AIMP1: variants seen among roughly 807,000 people sequenced by gnomAD.
AIMP1 encodes the protein aminoacyl tRNA synthase complex-interacting multifunctional protein 1.
Under a neutral mutation model 33.1 loss-of-function variants are expected in AIMP1, and 24 were observed. The ratio of observed to expected loss-of-function variants is 0.73; its 90% CI spans 0.53 to 1.02. AIMP1 has a LOEUF of 1.02. Ranked by LOEUF, AIMP1 falls within the 50% of genes least tolerant of loss-of-function variation. AIMP1 has a pLI of 0.00. For missense variants in AIMP1, 367 were observed against 364.8 expected (o/e 1.01, Z -0.05); for synonymous variants, 120 against 121.5 (o/e 0.99, Z 0.08).
At position 106,341,544 on chromosome 4, in the gene AIMP1, G is replaced by A. The variant is rs535822544; in HGVS notation, c.772+4507G>A. Among the ~76,000 whole-genome samples the A allele has an allele frequency of 2.0e-4, 23 of 114,246 alleles. 1 individual carries two copies. The South Asian group carries it at 7.9e-3, about 39-fold the overall frequency. The allele number at this position is 114,246 out of a possible 152,430, so 74.9% of individuals were successfully genotyped here. On this transcript the variant is annotated intron_variant, in intron 6 of 6. Coordinates refer to ENST00000672341, the MANE Select transcript of AIMP1 (RefSeq NM_001142416.2). The stretch of plus-strand genomic sequence containing the variant: ...TTATTCCAGCACCATTTATTGAATA[G>A]AGAGTTTTTTTCCCATTGCTTGTTT...
chr4:106,342,470 G>C (rs527364627), intron 6 of AIMP1, among the ~76,000 whole-genome samples: 5 of 152,116 alleles, frequency 3.3e-5, no homozygotes, highest in African/African-American at 1.2e-4. Flanking sequence ...TTGATGCCTA[G>C]TCTATTGAGG....
chr4:106,333,817 A>C (rs1468970199), intron 5 of AIMP1, among the ~76,000 whole-genome samples: 1 of 151,498 alleles, frequency 6.6e-6, no homozygotes. Flanking sequence ...GATACCCTTC[A>C]GAGCAGTGGT....
chr4:106,327,360 G>T, intron 2 of AIMP1, 91 bp from the exon 3 acceptor site: 1 of 908,898 alleles, frequency 1.1e-6, no homozygotes, highest in Non-Finnish European at 1.8e-6. Context: ...TATTATCCTA[G>T]CTGTAGTTAT....
intron 5 of AIMP1, among the ~76,000 whole-genome samples, chr4:106,335,331 A>T (rs377234585): frequency 7.9e-5 from 12 of 152,140 alleles, no homozygotes; most frequent in African/African-American, 2.7e-4. Flanking sequence ...TGTTCTTATA[A>T]GTTGTAGACT....
intron 4 of AIMP1, among the ~76,000 whole-genome samples, chr4:106,330,650 C>T (rs564992544): frequency 3.0e-4 from 45 of 152,232 alleles, no homozygotes; most frequent in Non-Finnish European, 2.5e-4. Flanking sequence ...ATATACATGT[C>T]TGTCTTCTTT....
chr4:106,321,171 G>C (rs1437709143), intron 1 of AIMP1: 1 of 170,316 alleles, frequency 5.9e-6, no homozygotes, highest in East Asian at 1.8e-4. Flanking sequence ...CCGCCACCCC[G>C]TCTAGGAAGT....
At position 106,329,772 on chromosome 4, in the gene AIMP1, CTTTTTTTT is replaced by C. The variant is rs59016309; in HGVS notation, c.391+1552_391+1559del. Among the ~76,000 whole-genome samples the C allele has an allele frequency of 2.7e-3, 141 of 53,072 alleles. 1 individual carries two copies. Among genetic ancestry groups the C allele is most frequent in the Non-Finnish European group, 4.3e-3 (114 of 26,562 alleles). The allele number at this position is 53,072 out of a possible 152,430, so 34.8% of individuals were successfully genotyped here. On this transcript the variant is annotated intron_variant, in intron 4 of 6. Transcript: ENST00000672341. ...ATGATCTTTCTAGACTGCTACATATCTTTTTTTTTTTTTTTTTTTTTTTTTTTTTTGGA... is the reference window on the plus strand; with the variant it reads ...ATGATCTTTCTAGACTGCTACATATCTTTTTTTTTTTTTTTTTTTTTTGGA...
intron 1 of AIMP1, among the ~76,000 whole-genome samples, chr4:106,323,009 A>G (rs1392682429): frequency 6.6e-6 from 1 of 151,412 alleles, no homozygotes; most frequent in Admixed American, 6.6e-5. Context: ...AAGTTTTATC[A>G]CTTCTTTTTA....
intron 4 of AIMP1, among the ~76,000 whole-genome samples, chr4:106,328,788 A>G (rs1042737102): frequency 6.6e-6 from 1 of 152,158 alleles, no homozygotes; most frequent in Non-Finnish European, 1.5e-5. Flanking sequence ...AACAAATTCT[A>G]TTATTCCTGT....
intron 1 of AIMP1, chr4:106,316,864 A>ATG (rs1768939892): frequency 2.6e-5 from 11 of 422,872 alleles, no homozygotes; most frequent in Middle Eastern, 6.4e-4. Flanking sequence ...TGTTATGTGA[A>ATG]TGTGTGTGTC....
At chr4:106,336,076 C>G (rs1769866238) in intron 5 of AIMP1, among the ~76,000 whole-genome samples, 1 of 107,632 alleles carries the variant, frequency 9.3e-6, no homozygotes, top group South Asian at 3.4e-4. Context: ...GGGTCTCACT[C>G]TTGCCCAAGC....
chr4:106,330,016 C>T (rs971428631), intron 4 of AIMP1, among the ~76,000 whole-genome samples: 2 of 152,030 alleles, frequency 1.3e-5, no homozygotes, highest in Non-Finnish European at 2.9e-5. Context: ...CTCCTGATCT[C>T]AGGTGATCCA....
chr4:106,343,082 G>A (rs1374106267), intron 6 of AIMP1, among the ~76,000 whole-genome samples: 1 of 151,796 alleles, frequency 6.6e-6, no homozygotes, highest in Non-Finnish European at 1.5e-5. Flanking sequence ...TTTTTAATTG[G>A]TAGGTTTTTA....
chr4:106,324,879 A>G (rs183688305), intron 1 of AIMP1, 106 bp from the exon 2 acceptor site: 3 of 885,158 alleles, frequency 3.4e-6, no homozygotes, highest in East Asian at 5.9e-5. Context: ...ATATTTATCT[A>G]TTACAGTAGA....
chr4:106,327,260 C>G (rs1490523514), intron 2 of AIMP1, among the ~76,000 whole-genome samples, 191 bp from the exon 3 acceptor site: 2 of 151,802 alleles, frequency 1.3e-5, no homozygotes, highest in African/African-American at 4.8e-5. Context: ...TTCTCCCTCT[C>G]TCTCTCTCTC....
intron 5 of AIMP1, 80 bp from the exon 6 acceptor site, chr4:106,336,789 T>C: frequency 7.8e-7 from 1 of 1,279,014 alleles, no homozygotes; most frequent in Non-Finnish European, 1.1e-6. Context: ...CTTAGCATAT[T>C]AGGTGTAGCT....
intron 6 of AIMP1, among the ~76,000 whole-genome samples, chr4:106,342,567 T>C (rs1770136456): frequency 6.6e-6 from 1 of 152,236 alleles, no homozygotes; most frequent in Non-Finnish European, 1.5e-5. Context: ...TTAATTCTAT[T>C]TATGTGGTGA....
intron 5 of AIMP1, among the ~76,000 whole-genome samples, chr4:106,334,625 C>T (rs1030145429): frequency 5.3e-5 from 8 of 151,884 alleles, no homozygotes; most frequent in African/African-American, 1.9e-4. Context: ...ATAAGGGAGT[C>T]AGAAATATTA....
intron 1 of AIMP1, among the ~76,000 whole-genome samples, chr4:106,320,118 T>C (rs548536776): frequency 1.3e-5 from 2 of 152,230 alleles, no homozygotes; most frequent in South Asian, 4.2e-4. Flanking sequence ...TTTATACATA[T>C]TAGAAACTCT....
Sources: allele counts gnomAD v4.1 joint callset (sites outside exome capture counted in the v4.1 genomes callset), GRCh38; gene constraint gnomAD v4.1.1; transcripts MANE v1.5; gene names NCBI Gene and HGNC (gene_info 2026-07-23, HGNC 2026-07-21).